CEP112: variants seen among roughly 807,000 people sequenced by gnomAD.
CEP112 encodes centrosomal protein of 112 kDa.
In CEP112, 127 loss-of-function variants were observed where a neutral mutation model predicts 153.0. The observed-to-expected ratio is 0.83, with a 90% CI of 0.72 to 0.96. The LOEUF (loss-of-function observed/expected upper bound fraction) is 0.96, where lower values mean the gene tolerates loss of function less well. Among genes scored for constraint, CEP112 ranks in the 40% least tolerant of loss-of-function variants. The pLI is 0.00. For missense variants in CEP112, 1,089 were observed against 1,101.2 expected, an observed-to-expected ratio of 0.99 and a Z score of 0.16; for synonymous variants, 358 against 374.4, an observed-to-expected ratio of 0.96 and a Z score of 0.51.
intron 23 of CEP112, among the ~76,000 whole-genome samples, chr17:65,690,113 CAAAAAAAAAAAAAAA>C (rs67399289): frequency 3.2e-5 from 2 of 62,584 alleles, no homozygotes; most frequent in African/African-American, 1.2e-4. Context: ...GAAAACAGAC[CAAAAAAAAAAAAAAA>C]AAAAAAAAAA....
intron 23 of CEP112, among the ~76,000 whole-genome samples, chr17:65,690,282 T>C (rs980002189): frequency 6.6e-6 from 1 of 151,602 alleles, no homozygotes; most frequent in Non-Finnish European, 1.5e-5. Context: ...TTTAATTAGC[T>C]GGGTGTGGGG....
intron 21 of CEP112, among the ~76,000 whole-genome samples, chr17:65,799,329 C>T (rs1303061824): frequency 6.6e-6 from 1 of 152,164 alleles, no homozygotes; most frequent in Non-Finnish European, 1.5e-5. Context: ...TGTAAGCTGG[C>T]ACCGGATCCT....
chr17:66,156,367 C>T (rs1598456925), intron 4 of CEP112, among the ~76,000 whole-genome samples: 1 of 152,098 alleles, frequency 6.6e-6, no homozygotes, highest in South Asian at 2.1e-4. Flanking sequence ...CACAGAAACC[C>T]CATCTGAAGG....
chr17:65,726,286 C>T (rs1470685532), intron 23 of CEP112, among the ~76,000 whole-genome samples: 1 of 151,924 alleles, frequency 6.6e-6, no homozygotes, highest in Non-Finnish European at 1.5e-5. Context: ...TTGCAGTGAG[C>T]TGAGATTGCA....
At chr17:65,951,451 C>T (rs2061824953) in intron 18 of CEP112, among the ~76,000 whole-genome samples, 1 of 152,012 alleles carries the variant, frequency 6.6e-6, no homozygotes, top group Non-Finnish European at 1.5e-5. Context: ...TAGTTTTGAT[C>T]ATTTGTATCT....
At chr17:65,813,147 G>A (rs538793596) in intron 21 of CEP112, among the ~76,000 whole-genome samples, 25 of 152,276 alleles carry the variant, frequency 1.6e-4, no homozygotes, top group Admixed American at 2.6e-4. Flanking sequence ...ACCAAGAAAA[G>A]GTCTGGTGTC....
At chr17:65,829,328 G>C (rs1833346) in intron 21 of CEP112, among the ~76,000 whole-genome samples, 1 of 152,076 alleles carries the variant, frequency 6.6e-6, no homozygotes, top group Admixed American at 6.5e-5. Flanking sequence ...AGGCAAACCA[G>C]GCCCATAGAG....
At chr17:65,826,068 G>T in intron 21 of CEP112, 1 of 1,490,892 alleles carries the variant, frequency 6.7e-7, no homozygotes, top group Non-Finnish European at 9.3e-7. Flanking sequence ...GCCTAACTCA[G>T]CTCAGCAATG....
At chr17:66,104,120 G>A (rs1265266348) in intron 6 of CEP112, among the ~76,000 whole-genome samples, 2 of 152,036 alleles carry the variant, frequency 1.3e-5, no homozygotes, top group African/African-American at 2.4e-5. Flanking sequence ...CAGTGGGCTT[G>A]GGGGTGCATG....
chr17:65,839,189 A>G (rs998413344), intron 21 of CEP112, among the ~76,000 whole-genome samples: 10 of 152,126 alleles, frequency 6.6e-5, no homozygotes, highest in African/African-American at 2.4e-4. Flanking sequence ...CGACAAGGAC[A>G]CACACATACA....
At chr17:66,029,815 T>C (rs34247513) in intron 13 of CEP112, 54 bp downstream of exon 13, 20 of 1,495,706 alleles carry the variant, frequency 1.3e-5, no homozygotes, top group Non-Finnish European at 1.7e-5. Flanking sequence ...ACTGATACAG[T>C]TAATATCAGT....
At chr17:65,827,973 T>C (rs1052035709) in intron 21 of CEP112, among the ~76,000 whole-genome samples, 1 of 152,224 alleles carries the variant, frequency 6.6e-6, no homozygotes, top group African/African-American at 2.4e-5. Context: ...GAATCTTCTC[T>C]ATCATTTCCT....
chr17:65,968,985 A>C (rs549792617), intron 17 of CEP112, among the ~76,000 whole-genome samples: 1 of 152,302 alleles, frequency 6.6e-6, no homozygotes, highest in South Asian at 2.1e-4. Context: ...ATTAGCATTT[A>C]CTTAACATCT....
intron 8 of CEP112, among the ~76,000 whole-genome samples, chr17:66,079,429 T>C (rs2067630767): frequency 6.6e-6 from 1 of 152,168 alleles, no homozygotes; most frequent in Non-Finnish European, 1.5e-5. Flanking sequence ...TACAACTATA[T>C]GGCACAACAA....
At chr17:66,044,336 A>T (rs9900210) in intron 12 of CEP112, among the ~76,000 whole-genome samples, 8,107 of 152,094 alleles carry the variant, frequency 0.053, 287 homozygotes, top group African/African-American at 0.087. Context: ...AAGATTTAGA[A>T]TGTTGAAATA....
Position 65,800,316 on chromosome 17 carries a change from G to A in CEP112, c.2395-49592C>T, listed in dbSNP as rs184514721. On this transcript the variant is annotated intron_variant, in intron 21 of 26. Transcript: ENST00000535342. ...ACTCTAATCCACATTCTGTTTCTAC[G>A]GATTTGTCTATTCTGAACATTTCAT... Among the ~76,000 whole-genome samples, 29 of 151,688 alleles carry A rather than the reference G, an allele frequency of 1.9e-4. 1 individual carries two copies. Among genetic ancestry groups the A allele is most frequent in the South Asian group, 1.3e-3 (6 of 4,796 alleles).
chr17:65,823,508 C>T (rs1329818689), intron 21 of CEP112, among the ~76,000 whole-genome samples: 1 of 152,164 alleles, frequency 6.6e-6, no homozygotes, highest in Non-Finnish European at 1.5e-5. Flanking sequence ...CAAAAATCTA[C>T]TCAAAATGGA....
At chr17:65,931,823 G>T (rs1270915527) in intron 18 of CEP112, among the ~76,000 whole-genome samples, 1 of 152,234 alleles carries the variant, frequency 6.6e-6, no homozygotes, top group Non-Finnish European at 1.5e-5. Context: ...GATTGCCCCT[G>T]TCTAGTGTTG....
In CEP112 at chr17:65,646,639, T is replaced by C. The variant is rs200495036; in HGVS notation, c.2698-5574A>G. On this transcript the variant is annotated intron_variant, in intron 24 of 26. Coordinates refer to ENST00000535342, the MANE Select transcript of CEP112 (RefSeq NM_001199165.4). ...AGGTAAAACATGATTTGAACTCAGG[T>C]AGTCTGACTCTCAAGCACATATGAT... is the stretch of plus-strand genomic sequence containing the variant. Among the ~76,000 whole-genome samples the C allele has an allele frequency of 1.3e-4, 20 of 152,310 alleles. No homozygotes were observed. The East Asian group carries it at 3.9e-3, about 29-fold the overall frequency.
Sources: gnomAD v4.1 joint callset for allele counts (sites outside exome capture counted in the v4.1 genomes callset) on GRCh38, gnomAD v4.1.1 for gene constraint, MANE v1.5 for transcripts, NCBI Gene and HGNC (gene_info 2026-07-23, HGNC 2026-07-21) for gene names.